Variants in CDC42SE2 observed in about 807,000 individuals in gnomAD.
CDC42SE2 encodes the protein CDC42 small effector 2.
CDC42SE2 carries 3 observed loss-of-function variants against 11.5 expected under a neutral mutation model. That is an observed-to-expected ratio of 0.26 (90% CI 0.12 to 0.67). The LOEUF (loss-of-function observed/expected upper bound fraction) is 0.67. CDC42SE2 is among the 30% of genes least tolerant of loss of function. The probability of loss-of-function intolerance (pLI) is 0.80; values close to 1 mark genes in which losing one functional copy is unlikely to be tolerated. For missense variants in CDC42SE2, 82 were observed against 106.8 expected (o/e 0.77, Z 1.02); for synonymous variants, 33 against 34.8 (o/e 0.95, Z 0.18).
chr5:131,269,980 G>C (rs1354572004), intron 1 of CDC42SE2, among the ~76,000 whole-genome samples: 1 of 152,098 alleles, frequency 6.6e-6, no homozygotes, highest in Admixed American at 6.5e-5. Context: ...AGAATTACTT[G>C]AACCCAGGAG....
intron 3 of CDC42SE2, among the ~76,000 whole-genome samples, chr5:131,365,425 GTGATTGGT>G (rs1749824780): frequency 1.3e-5 from 2 of 152,198 alleles, no homozygotes; most frequent in Non-Finnish European, 2.9e-5. Context: ...AAACAGAAAA[GTGATTGGT>G]CAAATATGAT....
the CDC42SE2 span, among the ~76,000 whole-genome samples, chr5:131,215,918 T>C: frequency 6.6e-6 from 1 of 152,220 alleles, no homozygotes; most frequent in South Asian, 2.1e-4. Context: ...TTAATTAAGA[T>C]ATATAAATTG....
At chr5:131,309,920 G>T (rs1757865447) in intron 1 of CDC42SE2, among the ~76,000 whole-genome samples, 1 of 151,474 alleles carries the variant, frequency 6.6e-6, no homozygotes, top group Non-Finnish European at 1.5e-5. Context: ...TTAATTTTTT[G>T]AAGGGTTTTT....
chr5:131,376,039 G>A (rs1195091837), intron 3 of CDC42SE2, among the ~76,000 whole-genome samples: 1 of 152,064 alleles, frequency 6.6e-6, no homozygotes, highest in Non-Finnish European at 1.5e-5. Flanking sequence ...AGGAGTTCGA[G>A]ACCAGCCTGA....
intron 2 of CDC42SE2, among the ~76,000 whole-genome samples, chr5:131,350,548 T>C (rs1198726403): frequency 6.6e-6 from 1 of 152,102 alleles, no homozygotes; most frequent in Middle Eastern, 3.4e-3. Context: ...TACATAAGGC[T>C]TTAACGCCCT....
At chr5:131,243,188 G>A (rs1309443699), upstream of CDC42SE2, among the ~76,000 whole-genome samples, 1 of 152,168 alleles carries the variant, frequency 6.6e-6, no homozygotes, top group East Asian at 1.9e-4. Flanking sequence ...AGCAAGCATA[G>A]TCCCTCTCAC....
intron 3 of CDC42SE2, among the ~76,000 whole-genome samples, chr5:131,382,133 A>G (rs1160981524): frequency 2.0e-5 from 3 of 152,346 alleles, no homozygotes; most frequent in East Asian, 3.9e-4. Flanking sequence ...TTATTTTCAC[A>G]TTCATATATA....
At chr5:131,223,874 C>CA in the CDC42SE2 span, among the ~76,000 whole-genome samples, 1 of 152,118 alleles carries the variant, frequency 6.6e-6, no homozygotes, top group Admixed American at 6.6e-5. Flanking sequence ...ATGACTCCAC[C>CA]AAAACTATTA....
At chr5:131,279,846 G>A (rs1173218673) in intron 1 of CDC42SE2, among the ~76,000 whole-genome samples, 1 of 152,182 alleles carries the variant, frequency 6.6e-6, no homozygotes, top group Non-Finnish European at 1.5e-5. Context: ...GGCTGAGGTG[G>A]GCGATTGCTT....
At chr5:131,371,886 G>C (rs1160281441) in intron 3 of CDC42SE2, among the ~76,000 whole-genome samples, 1 of 152,208 alleles carries the variant, frequency 6.6e-6, no homozygotes, top group Admixed American at 6.5e-5. Flanking sequence ...TTGCTACCAA[G>C]TGTTAATTAT....
chr5:131,212,634 C>T, the CDC42SE2 span, among the ~76,000 whole-genome samples: 1 of 152,190 alleles, frequency 6.6e-6, no homozygotes, highest in Admixed American at 6.5e-5. Context: ...CTAATTACCT[C>T]CAGGACTACA....
intron 1 of CDC42SE2, among the ~76,000 whole-genome samples, chr5:131,249,554 G>T (rs151039625): frequency 2.0e-5 from 3 of 152,190 alleles, no homozygotes; most frequent in Admixed American, 2.0e-4. Context: ...ATAGCAGGAA[G>T]AAACTGGATT....
chr5:131,372,124 T>C (rs78754275), intron 3 of CDC42SE2, among the ~76,000 whole-genome samples: 3 of 152,228 alleles, frequency 2.0e-5, no homozygotes, highest in African/African-American at 4.8e-5. Flanking sequence ...GTACCTGTTA[T>C]GTACTTATGC....
the CDC42SE2 span, among the ~76,000 whole-genome samples, chr5:131,215,058 GA>G: frequency 1.3e-5 from 2 of 152,126 alleles, no homozygotes; most frequent in African/African-American, 4.8e-5. Context: ...CAAACCAAAA[GA>G]AAAATGACAA....
the CDC42SE2 span, among the ~76,000 whole-genome samples, chr5:131,226,140 T>C: frequency 9.0e-4 from 137 of 152,310 alleles, no homozygotes; most frequent in Non-Finnish European, 1.9e-3. Flanking sequence ...GTTGACACAA[T>C]TGGTGGCGAA....
chr5:131,224,569 T>C, the CDC42SE2 span, among the ~76,000 whole-genome samples: 1 of 152,210 alleles, frequency 6.6e-6, no homozygotes, highest in East Asian at 1.9e-4. Context: ...CTTTCTCACC[T>C]GGCCTAACCC....
intron 3 of CDC42SE2, among the ~76,000 whole-genome samples, chr5:131,374,784 G>A (rs1407151143): frequency 2.0e-5 from 3 of 152,066 alleles, no homozygotes; most frequent in Admixed American, 2.0e-4. Context: ...AAACACAGTT[G>A]TTCACACAGT....
intron 2 of CDC42SE2, among the ~76,000 whole-genome samples, chr5:131,336,713 C>T (rs1758572647): frequency 6.6e-6 from 1 of 152,164 alleles, no homozygotes; most frequent in African/African-American, 2.4e-5. Context: ...AGCTTCATTT[C>T]ATTCATTTCA....
chr5:131,375,333 AC>A (rs1395575887), intron 3 of CDC42SE2, among the ~76,000 whole-genome samples: 6 of 148,472 alleles, frequency 4.0e-5, no homozygotes, highest in African/African-American at 1.5e-4. Context: ...TACCTACTAA[AC>A]CCTAAAGGAC....
Sources: allele counts gnomAD v4.1 joint callset (sites outside exome capture counted in the v4.1 genomes callset), GRCh38; gene constraint gnomAD v4.1.1; transcripts MANE v1.5; gene names NCBI Gene and HGNC (gene_info 2026-07-23, HGNC 2026-07-21).